KPNA1: variants seen among roughly 807,000 people sequenced by gnomAD.
KPNA1 encodes the protein importin subunit alpha-5.
In KPNA1, 10 loss-of-function variants were observed where a neutral mutation model predicts 70.5. The ratio of observed to expected loss-of-function variants is 0.14; its 90% CI spans 0.09 to 0.24. The LOEUF is 0.24. Ranked by LOEUF, KPNA1 falls within the 10% of genes least tolerant of loss-of-function variation. The pLI is 1.00. For missense variants in KPNA1, 397 were observed against 637.9 expected (o/e 0.62, Z 4.07); for synonymous variants, 192 against 221.9 (o/e 0.87, Z 1.20).
In KPNA1 at chr3:122,423,817, G is replaced by A. The variant is rs16833132; in HGVS notation, c.*3168C>T. The A allele has an allele frequency of 0.083, 12,716 of 152,490 alleles. 619 individuals carry two copies. Among genetic ancestry groups the A allele is most frequent in the Admixed American group, 0.13 (2,027 of 15,266 alleles). The allele number at this position is 152,490 out of a possible 1,614,324, so 9.4% of individuals were successfully genotyped here. The stretch of plus-strand genomic sequence containing the variant: ...AATTGCCAATCTTTTTATCTGTGAC[G>A]ATAATGCCAAAAATGACTCAGAGCC... On this transcript the variant is annotated 3_prime_UTR_variant, in exon 14 of 14. Transcript: ENST00000344337.
rs899104999 is a variant in KPNA1, at chr3:122,494,974, T to A, written c.129+1463A>T. On this transcript the variant is annotated intron_variant, in intron 2 of 13. Transcript: ENST00000344337. The stretch of plus-strand genomic sequence containing the variant: ...ATCATGCTGTTAAGATTTCTGAGAA[T>A]AAAAGGAAAGGAAATTCCTGTAATC... 9.9e-5 allele frequency among the ~76,000 whole-genome samples: 15 copies of A among 152,036 alleles called. No individual in the cohort carries two copies. In the East Asian group the frequency reaches 2.9e-3, roughly 29 times the overall value.
chr3:122,485,374 CG>C (rs1461050136), intron 2 of KPNA1, among the ~76,000 whole-genome samples: 1 of 151,122 alleles, frequency 6.6e-6, no homozygotes, highest in African/African-American at 2.4e-5. Flanking sequence ...ATATGGTCAA[CG>C]GTAAGTGTTT....
At chr3:122,452,681 A>C (rs1323544465) in intron 6 of KPNA1, among the ~76,000 whole-genome samples, 3 of 81,500 alleles carry the variant, frequency 3.7e-5, no homozygotes, top group Non-Finnish European at 4.8e-5. Context: ...GAAGGAGGGA[A>C]GGAGGGAGGG....
chr3:122,458,707 C>G (rs913980575), intron 5 of KPNA1, among the ~76,000 whole-genome samples: 1 of 152,152 alleles, frequency 6.6e-6, no homozygotes, highest in African/African-American at 2.4e-5. Context: ...TGTCTGCTCT[C>G]CAAGAAGGCA....
chr3:122,443,885 A>G (rs916572959), intron 9 of KPNA1, among the ~76,000 whole-genome samples: 8 of 152,222 alleles, frequency 5.3e-5, no homozygotes, highest in African/African-American at 1.9e-4. Flanking sequence ...CTGTACACCC[A>G]TTGTCACTGA....
intron 2 of KPNA1, among the ~76,000 whole-genome samples, chr3:122,489,053 C>CGTGTGTGTGTGTGTGT (rs111683855): frequency 5.1e-5 from 6 of 118,806 alleles, no homozygotes; most frequent in African/African-American, 1.7e-4. Context: ...GGTTTTTTTG[C>CGTGTGTGTGTGTGTGT]GTGCGTGTGT....
At chr3:122,479,103 A>C (rs1405335413) in intron 2 of KPNA1, among the ~76,000 whole-genome samples, 1 of 152,164 alleles carries the variant, frequency 6.6e-6, no homozygotes, top group East Asian at 1.9e-4. Flanking sequence ...GACAAGCCAC[A>C]GACTGGGAAG....
chr3:122,467,886 T>C (rs2076399100), intron 2 of KPNA1, among the ~76,000 whole-genome samples: 1 of 152,190 alleles, frequency 6.6e-6, no homozygotes, highest in Non-Finnish European at 1.5e-5. Context: ...TCCCAACCTA[T>C]CCAGCAACCA....
At chr3:122,451,819 G>A (rs756992923) in intron 7 of KPNA1, among the ~76,000 whole-genome samples, 157 bp downstream of exon 7, 1 of 152,046 alleles carries the variant, frequency 6.6e-6, no homozygotes, top group African/African-American at 2.4e-5. Context: ...AAAAAGATAG[G>A]GTGCTTGAGG....
chr3:122,436,951 TG>T (rs1315704404), intron 11 of KPNA1, among the ~76,000 whole-genome samples: 1 of 152,124 alleles, frequency 6.6e-6, no homozygotes, highest in Non-Finnish European at 1.5e-5. Flanking sequence ...CTAATTTTTT[TG>T]TATTTTTAGT....
intron 7 of KPNA1, 21 bp from the exon 8 acceptor site, chr3:122,451,654 T>C: frequency 1.2e-5 from 18 of 1,458,908 alleles, no homozygotes; most frequent in Non-Finnish European, 1.3e-5. Context: ...GATGGTACAA[T>C]GGTAAACTAT....
intron 2 of KPNA1, among the ~76,000 whole-genome samples, chr3:122,469,429 G>T (rs964364970): frequency 1.3e-5 from 2 of 152,142 alleles, no homozygotes; most frequent in African/African-American, 4.8e-5. Context: ...CAGATTAAAA[G>T]AAGTTTCATC....
In KPNA1 at chr3:122,477,704, TGTAGAA is replaced by T. The variant is rs527946930; in HGVS notation, c.130-10281_130-10276del. 2.9e-3 allele frequency among the ~76,000 whole-genome samples: 441 copies of T among 151,956 alleles called. 1 individual carries two copies. The highest frequency in any genetic ancestry group is 4.9e-3 in the Admixed American group (75 of 15,256). Reference sequence around the variant, plus strand: ...TCAAAAAAACAAATCCTGCTGAGACTGTAGAAGTGTGCTTAACACAAAATGATAGGT... The same window carrying T: ...TCAAAAAAACAAATCCTGCTGAGACTGTGTGCTTAACACAAAATGATAGGT... On this transcript the variant is annotated intron_variant, in intron 2 of 13. Coordinates refer to ENST00000344337, the MANE Select transcript of KPNA1 (RefSeq NM_002264.4).
intron 2 of KPNA1, among the ~76,000 whole-genome samples, chr3:122,469,481 T>C (rs748292429): frequency 6.6e-5 from 10 of 152,218 alleles, no homozygotes; most frequent in Non-Finnish European, 8.8e-5. Flanking sequence ...CGCAGACATA[T>C]AGCTTAAAAG....
At chr3:122,491,959 T>G (rs2076704852) in intron 2 of KPNA1, among the ~76,000 whole-genome samples, 1 of 146,120 alleles carries the variant, frequency 6.8e-6, no homozygotes, top group East Asian at 2.0e-4. Context: ...CCTCCCGGGT[T>G]CACGCCATTC....
chr3:122,484,364 AT>A (rs1258051155), intron 2 of KPNA1, among the ~76,000 whole-genome samples: 2 of 152,196 alleles, frequency 1.3e-5, no homozygotes, highest in African/African-American at 4.8e-5. Flanking sequence ...AATCTCAATT[AT>A]AAAAAATAAA....
chr3:122,427,109 TC>T lies in KPNA1; in HGVS notation c.1492del (p.Asp498IlefsTer108). 1 of 1,614,110 alleles carries T rather than the reference TC, an allele frequency of 6.2e-7. No homozygotes were observed. The highest frequency in any genetic ancestry group is 8.5e-7 in the Non-Finnish European group (1 of 1,180,000). On this transcript the variant is annotated frameshift_variant, in exon 14 of 14. Transcript: ENST00000344337. LOFTEE classifies it high-confidence loss of function. ...ENQEIYQKAFDLIEHYFGTED... is the reference protein window; with the variant it reads ...ENQEIYQKAFXLIEHYFGTED... ...GGTCCCGAAGTAATGCTCAATAAGATCAAAGGCCTTTTGGTAGATCTCCTGG... is the reference window on the plus strand; with the variant it reads ...GGTCCCGAAGTAATGCTCAATAAGATAAAGGCCTTTTGGTAGATCTCCTGG...
chr3:122,506,760 T>C (rs1199557028), intron 1 of KPNA1, among the ~76,000 whole-genome samples: 1 of 152,176 alleles, frequency 6.6e-6, no homozygotes, highest in African/African-American at 2.4e-5. Flanking sequence ...ATCATAACCT[T>C]TGCCCCAAAT....
intron 2 of KPNA1, among the ~76,000 whole-genome samples, chr3:122,490,653 T>A (rs1310174120): frequency 6.6e-6 from 1 of 152,200 alleles, no homozygotes; most frequent in Non-Finnish European, 1.5e-5. Flanking sequence ...CAAGAACCAG[T>A]TATTTTTGCA....
Sources: allele counts gnomAD v4.1 joint callset (sites outside exome capture counted in the v4.1 genomes callset), GRCh38; gene constraint gnomAD v4.1.1; transcripts MANE v1.5; gene names NCBI Gene and HGNC (gene_info 2026-07-23, HGNC 2026-07-21).